ZNF385D: variants seen among roughly 807,000 people sequenced by gnomAD.
ZNF385D encodes zinc finger protein 385D.
Under a neutral mutation model 35.8 loss-of-function variants are expected in ZNF385D, and 15 were observed. The ratio of observed to expected loss-of-function variants is 0.42; its 90% CI spans 0.28 to 0.64. The LOEUF (loss-of-function observed/expected upper bound fraction) is 0.64. Ranked by LOEUF, ZNF385D falls within the 30% of genes least tolerant of loss-of-function variation. The probability of loss-of-function intolerance (pLI) is 0.23; values close to 1 mark genes in which losing one functional copy is unlikely to be tolerated. For synonymous variants in ZNF385D, 212 were observed against 186.8 expected (o/e 1.13, Z -1.10); for missense variants, 474 against 494.6 (o/e 0.96, Z 0.39).
chr3:21,751,394 T>TA, upstream of ZNF385D: 1 of 1,004,750 alleles, frequency 1.0e-6, no homozygotes, highest in Non-Finnish European at 1.2e-6. Context: ...GAGAAGAGTG[T>TA]CGGGATCCAC....
At chr3:22,271,791 T>A (rs1701191477) in intron 2 of ZNF385D, among the ~76,000 whole-genome samples, 1 of 152,036 alleles carries the variant, frequency 6.6e-6, no homozygotes. Context: ...TTAGCCTTTT[T>A]ATAAGTTCTT....
chr3:22,047,911 C>G (rs1054134071), intron 3 of ZNF385D, among the ~76,000 whole-genome samples: 1 of 152,104 alleles, frequency 6.6e-6, no homozygotes. Flanking sequence ...TCACCAACAC[C>G]TACATTGGTT....
intron 3 of ZNF385D, among the ~76,000 whole-genome samples, chr3:21,998,501 T>C (rs778122368): frequency 4.6e-5 from 7 of 152,222 alleles, no homozygotes; most frequent in Non-Finnish European, 1.5e-5. Flanking sequence ...CACAGGGCTG[T>C]TGGCAATTCC....
At chr3:21,973,220 G>C (rs1465989440) in intron 3 of ZNF385D, among the ~76,000 whole-genome samples, 3 of 151,830 alleles carry the variant, frequency 2.0e-5, no homozygotes, top group Non-Finnish European at 4.4e-5. Flanking sequence ...CATTCATCAT[G>C]ACCAAGTTGG....
chr3:21,750,862 C>T, intron 1 of ZNF385D, 33 bp downstream of exon 1: 1 of 1,613,306 alleles, frequency 6.2e-7, no homozygotes, highest in African/African-American at 1.3e-5. Context: ...AGCCGGACAC[C>T]CCCAGAATTA....
At chr3:21,621,846 T>C (rs2065015867) in intron 2 of ZNF385D, among the ~76,000 whole-genome samples, 1 of 146,452 alleles carries the variant, frequency 6.8e-6, no homozygotes, top group South Asian at 2.2e-4. Flanking sequence ...TTTGAAGTGT[T>C]CCTTCCAACC....
At chr3:21,932,803 A>C (rs1298886636) in intron 3 of ZNF385D, among the ~76,000 whole-genome samples, 2 of 152,206 alleles carry the variant, frequency 1.3e-5, no homozygotes, top group African/African-American at 4.8e-5. Flanking sequence ...AAAACAGCAT[A>C]GAAACATTTT....
chr3:21,633,484 C>T (rs995838514), intron 2 of ZNF385D, among the ~76,000 whole-genome samples: 70 of 152,006 alleles, frequency 4.6e-4, no homozygotes, highest in African/African-American at 1.7e-3. Context: ...GAGAAAAAAA[C>T]CTTTAATACA....
intron 3 of ZNF385D, among the ~76,000 whole-genome samples, chr3:22,104,301 G>T (rs969756376): frequency 1.3e-5 from 2 of 151,950 alleles, no homozygotes; most frequent in Admixed American, 6.6e-5. Flanking sequence ...TTCACTGAGT[G>T]TGTCTCCTGC....
chr3:21,930,823 A>C (rs1159634000), intron 3 of ZNF385D, among the ~76,000 whole-genome samples: 1 of 152,128 alleles, frequency 6.6e-6, no homozygotes, highest in Non-Finnish European at 1.5e-5. Context: ...ATAACTAAAA[A>C]CTTATTGAAG....
At chr3:21,546,864 C>G (rs937524712) in intron 3 of ZNF385D, among the ~76,000 whole-genome samples, 2 of 151,822 alleles carry the variant, frequency 1.3e-5, no homozygotes, top group African/African-American at 2.4e-5. Context: ...GTTCAAGTCA[C>G]TTTTGCACTC....
intron 1 of ZNF385D, among the ~76,000 whole-genome samples, chr3:21,674,230 C>A (rs145652620): frequency 1.3e-5 from 2 of 151,928 alleles, no homozygotes; most frequent in Non-Finnish European, 2.9e-5. Context: ...GTGACCTTTA[C>A]GAGCCATTTA....
chr3:21,492,924 A>G (rs1705545232), intron 4 of ZNF385D, among the ~76,000 whole-genome samples: 1 of 152,092 alleles, frequency 6.6e-6, no homozygotes, highest in Admixed American at 6.6e-5. Flanking sequence ...AATAGTGAAC[A>G]GAAGTTACCA....
chr3:21,936,657 TACAGCC>T (rs1701273933), intron 3 of ZNF385D, among the ~76,000 whole-genome samples: 1 of 152,134 alleles, frequency 6.6e-6, no homozygotes, highest in African/African-American at 2.4e-5. Flanking sequence ...CATCTTATTT[TACAGCC>T]ATGTATACCC....
At chr3:21,708,149 G>C (rs928935962) in intron 1 of ZNF385D, among the ~76,000 whole-genome samples, 4 of 152,180 alleles carry the variant, frequency 2.6e-5, no homozygotes, top group African/African-American at 7.2e-5. Flanking sequence ...CTAAGCATCA[G>C]TTTAAATTTG....
intron 2 of ZNF385D, among the ~76,000 whole-genome samples, chr3:21,570,774 C>G (rs1313056397): frequency 1.3e-5 from 2 of 152,120 alleles, no homozygotes; most frequent in Admixed American, 1.3e-4. Flanking sequence ...CTGTGCGTCT[C>G]TCAGGCACCA....
intron 3 of ZNF385D, among the ~76,000 whole-genome samples, chr3:21,867,490 C>A (rs1041433592): frequency 3.9e-5 from 6 of 152,124 alleles, no homozygotes; most frequent in Admixed American, 6.5e-5. Flanking sequence ...TTCTCCTGCT[C>A]TCTACCTGTG....
intron 2 of ZNF385D, among the ~76,000 whole-genome samples, chr3:22,296,880 C>G (rs191571919): frequency 6.6e-6 from 1 of 152,188 alleles, no homozygotes; most frequent in Non-Finnish European, 1.5e-5. Flanking sequence ...GGTGCCATGG[C>G]TAATGGGCCA....
intron 2 of ZNF385D, among the ~76,000 whole-genome samples, chr3:21,630,780 AAT>A (rs1283490031): frequency 1.3e-5 from 2 of 152,122 alleles, no homozygotes; most frequent in Non-Finnish European, 2.9e-5. Flanking sequence ...ATCCATCACT[AAT>A]ATCTATTGAG....
Sources: gnomAD v4.1 joint callset for allele counts (sites outside exome capture counted in the v4.1 genomes callset) on GRCh38, gnomAD v4.1.1 for gene constraint, MANE v1.5 for transcripts, NCBI Gene and HGNC (gene_info 2026-07-23, HGNC 2026-07-21) for gene names.